YJU2B: variants seen among roughly 807,000 people sequenced by gnomAD.
The protein encoded by YJU2B is probable splicing factor YJU2B.
YJU2B carries 18 observed loss-of-function variants against 38.0 expected under a neutral mutation model. The ratio of observed to expected loss-of-function variants is 0.47; its 90% CI spans 0.33 to 0.70. YJU2B has a LOEUF of 0.70. YJU2B is among the 30% of genes least tolerant of loss of function. The pLI is 0.02. For missense variants in YJU2B, 538 were observed against 556.3 expected (o/e 0.97, Z 0.33); for synonymous variants, 246 against 225.4 (o/e 1.09, Z -0.82).
upstream of YJU2B, among the ~76,000 whole-genome samples, chr19:13,744,503 T>C (rs1973178260): frequency 1.3e-5 from 2 of 152,354 alleles, no homozygotes; most frequent in South Asian, 2.1e-4. Context: ...TGGATCATTA[T>C]GTCTTTTTTG....
chr19:13,759,589 TC>T, intron 8 of YJU2B: 2 of 181,662 alleles, frequency 1.1e-5, no homozygotes, highest in Non-Finnish European at 2.1e-5. Flanking sequence ...ACCCCCCCCC[TC>T]CCCCAGCATC....
upstream of YJU2B, among the ~76,000 whole-genome samples, chr19:13,743,405 C>A (rs138867790): frequency 2.6e-4 from 39 of 149,760 alleles, no homozygotes; most frequent in East Asian, 7.2e-3. Flanking sequence ...CATGACGAAG[C>A]CCTGTCTCTA....
chr19:13,736,398 A>T (rs1228965850), intron 2 of YJU2B, among the ~76,000 whole-genome samples: 1 of 151,052 alleles, frequency 6.6e-6, no homozygotes, highest in Non-Finnish European at 1.5e-5. Flanking sequence ...AGCTGGGATT[A>T]CAGGCACCTG....
At chr19:13,757,594 G>A (rs1555702577) in intron 5 of YJU2B, 121 bp downstream of exon 5, 1 of 1,113,752 alleles carries the variant, frequency 9.0e-7, no homozygotes, top group African/African-American at 1.5e-5. Context: ...GGGCACCCGA[G>A]TGACTGGCTG....
At chr19:13,745,813 G>A, upstream of YJU2B, among the ~76,000 whole-genome samples, 1 of 150,936 alleles carries the variant, frequency 6.6e-6, no homozygotes, top group African/African-American at 2.4e-5. Flanking sequence ...TTGATAAATT[G>A]CCAGTTGAAG....
rs1040391756 is a variant in YJU2B at position 13,757,796 on chromosome 19, C to T, written c.207C>T (p.Tyr69=). Reference sequence around the variant, plus strand: ...CTGACCCCCTTCCAGGTGTTCGTTACAATGCAGAAAAGAAGAAGGTGGGCA... The same window carrying T: ...CTGACCCCCTTCCAGGTGTTCGTTATAATGCAGAAAAGAAGAAGGTGGGCA... ...CKNHIGMGVR[Y]NAEKKKVGNY... is the part of the protein sequence containing the mutation. Residue 69 remains tyrosine, a synonymous_variant, in exon 6 of 10, where the codon TAC becomes TAT. Transcript: ENST00000221554. The T allele has an allele frequency of 6.2e-7, 1 of 1,614,056 alleles. No individual in the cohort carries two copies. The highest frequency in any genetic ancestry group is 1.7e-5 in the Admixed American group (1 of 60,012).
chr19:13,754,333 C>T lies in YJU2B; in HGVS notation c.48C>T (p.Asn16=). 1.9e-6 allele frequency: 3 copies of T among 1,613,536 alleles called. No homozygotes were observed. The highest frequency in any genetic ancestry group is 1.1e-5 in the South Asian group (1 of 91,062). ...ACAAGTACTATCCTCCAGACTTCAA[C>T]CCTGAGAAGGTAAGCAGGCTCTCCG... ...GVNKYYPPDF[N]PEKHGSLNRY... The change falls in exon 3 of 10, where the codon AAC becomes AAT. Residue 16 remains asparagine (N), a synonymous_variant. Coordinates refer to ENST00000221554, the MANE Select transcript of YJU2B (RefSeq NM_030818.4).
chr19:13,758,952 C>T lies in YJU2B; in HGVS notation c.342C>T (p.Gly114=), dbSNP rs374550969. The part of the protein sequence containing the change: ...PANCDYVIVS[G]AQRKEERWDM... ...ACTGCGACTACGTGATCGTGAGTGG[C>T]GCCCAGCGCAAGGAGGAGCGCTGGG... Residue 114 remains glycine (G), a synonymous_variant, in exon 7 of 10, where the codon GGC becomes GGT. Coordinates refer to ENST00000221554, the MANE Select transcript of YJU2B (RefSeq NM_030818.4). The T allele has an allele frequency of 1.4e-5, 22 of 1,613,876 alleles. No homozygotes were observed. The East Asian group carries it at 3.8e-4, about 28-fold the overall frequency.
chr19:13,747,887 C>G (rs1272903912), upstream of YJU2B: 3 of 152,330 alleles, frequency 2.0e-5, no homozygotes, highest in African/African-American at 4.8e-5. Flanking sequence ...GAGAGGGCGC[C>G]CAGGTTCACC....
upstream of YJU2B, among the ~76,000 whole-genome samples, chr19:13,746,981 G>A (rs138605464): frequency 2.0e-3 from 305 of 152,204 alleles, no homozygotes; most frequent in Non-Finnish European, 3.7e-3. Context: ...CAAGTTATGG[G>A]AGGGTAAGGG....
At position 13,758,886 on chromosome 19, in the gene YJU2B, C is replaced by T; in HGVS notation, c.276C>T (p.His92=). Residue 92 remains histidine, a synonymous_variant, in exon 7 of 10, where the codon CAC becomes CAT. Coordinates refer to ENST00000221554, the MANE Select transcript of YJU2B (RefSeq NM_030818.4). The stretch of plus-strand genomic sequence containing the variant: ...CTCCCAGGTTCCGGATGAAATGCCA[C>T]CTCTGTGTCAACTACATCGAGATGC... ...TPIYRFRMKC[H]LCVNYIEMQT... The T allele has an allele frequency of 1.2e-6, 2 of 1,613,882 alleles. No individual in the cohort carries two copies. The highest frequency in any genetic ancestry group is 2.2e-5 in the East Asian group (1 of 44,890).
chr19:13,756,332 C>A, intron 4 of YJU2B, 53 bp downstream of exon 4: 1 of 1,473,872 alleles, frequency 6.8e-7, no homozygotes, highest in South Asian at 1.1e-5. Flanking sequence ...TTCCTTCAGT[C>A]TCAAGGAGAG....
chr19:13,755,409 C>A (rs1189580349), intron 3 of YJU2B, among the ~76,000 whole-genome samples: 1 of 148,386 alleles, frequency 6.7e-6, no homozygotes, highest in African/African-American at 2.5e-5. Context: ...TGCAGTGAGC[C>A]GAGATCACGC....
chr19:13,734,238 T>C (rs947330432), intron 2 of YJU2B, among the ~76,000 whole-genome samples: 3 of 152,068 alleles, frequency 2.0e-5, no homozygotes, highest in Non-Finnish European at 4.4e-5. Context: ...TTGAATTCTT[T>C]AACCATTGTC....
At chr19:13,762,191 T>G (rs1973913803) in intron 8 of YJU2B, 108 bp from the exon 9 acceptor site, 1 of 1,327,910 alleles carries the variant, frequency 7.5e-7, no homozygotes, top group Non-Finnish European at 1.0e-6. Flanking sequence ...TGAAACTGTC[T>G]CAAAAAGAGT....
At position 13,758,921 on chromosome 19, in the gene YJU2B, C is replaced by A. The variant is rs762391119; in HGVS notation, c.311C>A (p.Pro104His). The change falls in exon 7 of 10, where the codon CCC (proline) becomes CAC (histidine). Residue 104 changes from proline (P) to histidine (H), a missense_variant. Pro to His is a moderately conservative substitution (Grantham distance 77). This residue lies in a region of YJU2B where 488 missense variants were observed against 469.5 expected (regional missense o/e 1.04). Transcript: ENST00000221554. ...CVNYIEMQTDPANCDYVIVSG... is the reference protein window; with the variant it reads ...CVNYIEMQTDHANCDYVIVSG... Reference sequence around the variant, plus strand: ...AACTACATCGAGATGCAGACGGACCCCGCCAACTGCGACTACGTGATCGTG... The same window carrying A: ...AACTACATCGAGATGCAGACGGACCACGCCAACTGCGACTACGTGATCGTG... 1 of 1,613,934 alleles carries A rather than the reference C, an allele frequency of 6.2e-7. No individual in the cohort carries two copies. Among genetic ancestry groups the A allele is most frequent in the Non-Finnish European group, 8.5e-7 (1 of 1,179,986 alleles).
At chr19:13,739,767 A>G (rs536780326) in intron 2 of YJU2B, among the ~76,000 whole-genome samples, 55 of 152,284 alleles carry the variant, frequency 3.6e-4, no homozygotes, top group Non-Finnish European at 7.5e-4. Flanking sequence ...TCTGGGATAC[A>G]TGTGCAGAAC....
chr19:13,745,571 C>T (rs142431955), upstream of YJU2B, among the ~76,000 whole-genome samples: 892 of 151,364 alleles, frequency 5.9e-3, 27 homozygotes, highest in Admixed American at 0.05. Context: ...CGCTTGATCC[C>T]GGAAGGAAGG....
At chr19:13,744,980 G>A (rs1253870886), upstream of YJU2B, among the ~76,000 whole-genome samples, 3 of 144,936 alleles carry the variant, frequency 2.1e-5, no homozygotes, top group Non-Finnish European at 3.0e-5. Flanking sequence ...GCAACAGAGC[G>A]AGACTCCGTC....
Sources: gnomAD v4.1 joint callset for allele counts (sites outside exome capture counted in the v4.1 genomes callset) on GRCh38, gnomAD v4.1.1 for gene constraint, gnomAD v4.1.1 regional missense constraint, MANE v1.5 for transcripts, NCBI Gene and HGNC (gene_info 2026-07-23, HGNC 2026-07-21) for gene names.